The following EYS variants were observed in gnomAD, a reference collection of about 807,000 sequenced individuals.
EYS encodes EGF-like photoreceptor maintenance factor.
A neutral mutation model predicts 282.1 loss-of-function variants in EYS; 250 were observed. That is an observed-to-expected ratio of 0.89 (90% CI 0.80 to 0.98). The LOEUF (loss-of-function observed/expected upper bound fraction) is 0.98, where lower values mean the gene tolerates loss of function less well. EYS is among the 50% of genes least tolerant of loss of function. The probability of loss-of-function intolerance (pLI) is 0.00; values close to 1 mark genes in which losing one functional copy is unlikely to be tolerated. For synonymous variants in EYS, 1,355 were observed against 1,282.9 expected (o/e 1.06, Z -1.20); for missense variants, 4,016 against 3,709.0 (o/e 1.08, Z -2.15).
Position 63,788,128 on chromosome 6 carries a change from G to A in EYS, c.7700C>T (p.Ala2567Val). ...ACCTTGAAAACCATTTTTAAAATCT[G>A]CTCCATTTGGTAAGAGATCTGGAGT... is the stretch of plus-strand genomic sequence containing the variant. ...EYTPDLLPNG[A>V]DFKNGFQGCI... is the part of the protein sequence containing the mutation. Residue 2567 changes from alanine (A) to valine (V), a missense_variant, in exon 39 of 43, where the codon GCA (alanine) becomes GTA (valine). By Grantham distance (64) the Ala-to-Val change is moderately conservative. Coordinates refer to ENST00000503581, the MANE Select transcript of EYS (RefSeq NM_001142800.2). 3.9e-6 allele frequency: 6 copies of A among 1,541,328 alleles called. No individual in the cohort carries two copies. Among genetic ancestry groups the A allele is most frequent in the Non-Finnish European group, 5.2e-6 (6 of 1,144,116 alleles).
intron 22 of EYS, among the ~76,000 whole-genome samples, chr6:64,811,919 A>T (rs187623668): frequency 6.6e-6 from 1 of 152,290 alleles, no homozygotes; most frequent in East Asian, 1.9e-4. Flanking sequence ...AACAGATTGT[A>T]AAAATACACA....
chr6:65,397,630 G>A (rs900173729), intron 7 of EYS, among the ~76,000 whole-genome samples: 1 of 110,614 alleles, frequency 9.0e-6, no homozygotes. Flanking sequence ...GTGTGTGTGT[G>A]TATCATGTTT....
At chr6:64,732,403 T>C (rs1419394513) in intron 22 of EYS, among the ~76,000 whole-genome samples, 1 of 152,174 alleles carries the variant, frequency 6.6e-6, no homozygotes, top group Non-Finnish European at 1.5e-5. Context: ...CAAATTCCTG[T>C]TAGCTCATTA....
intron 5 of EYS, chr6:65,489,329 A>C (rs1765935665): frequency 6.6e-6 from 1 of 152,240 alleles, no homozygotes; most frequent in African/African-American, 2.4e-5. Context: ...ATGAACAGAC[A>C]CTTTGCAAAA....
Position 65,332,111 on chromosome 6 carries a change from G to A in EYS, c.1766+2869C>T, listed in dbSNP as rs189868342. On this transcript the variant is annotated intron_variant, in intron 11 of 42. Transcript: ENST00000503581. ...CACCGTAAAGTATAATGTTAGTTAT[G>A]TTTCTTCATTCTTCTTATTTTTTTT... 2.4e-5 allele frequency: 10 copies of A among 420,030 alleles called. No individual in the cohort carries two copies. The East Asian group carries it at 3.8e-4, about 16-fold the overall frequency. 26.0% of individuals were successfully genotyped at this position (420,030 alleles called of 1,614,324 possible).
chr6:65,274,977 C>G (rs1768004361), intron 12 of EYS, among the ~76,000 whole-genome samples: 2 of 151,450 alleles, frequency 1.3e-5, no homozygotes, highest in Non-Finnish European at 2.9e-5. Flanking sequence ...CTAAAATATT[C>G]TTTATTTGGG....
intron 31 of EYS, among the ~76,000 whole-genome samples, chr6:64,176,594 T>C (rs1431843165): frequency 6.6e-6 from 1 of 152,046 alleles, no homozygotes. Context: ...CATTTTTATT[T>C]TGGAGAAACA....
intron 29 of EYS, among the ~76,000 whole-genome samples, chr6:64,346,005 C>T (rs1374774327): frequency 1.3e-5 from 2 of 152,028 alleles, no homozygotes; most frequent in African/African-American, 4.8e-5. Context: ...TGATGAGATA[C>T]CATCTCACAC....
At chr6:65,598,116 AACAAAAC>A (rs942193747) in intron 2 of EYS, among the ~76,000 whole-genome samples, 1 of 134,114 alleles carries the variant, frequency 7.5e-6, no homozygotes, top group African/African-American at 3.0e-5. Flanking sequence ...AACAAAACAA[AACAAAAC>A]AAACAAACAA....
chr6:64,434,645 A>G (rs1774680981), intron 28 of EYS, among the ~76,000 whole-genome samples: 1 of 151,994 alleles, frequency 6.6e-6, no homozygotes, highest in East Asian at 1.9e-4. Flanking sequence ...GAGTGAAAGC[A>G]GCCTTGAGAT....
At chr6:64,480,646 C>G (rs567605836) in intron 26 of EYS, among the ~76,000 whole-genome samples, 1 of 151,758 alleles carries the variant, frequency 6.6e-6, no homozygotes, top group Non-Finnish European at 1.5e-5. Context: ...TATTGAAATT[C>G]TCTGCTGTTT....
At chr6:65,629,109 G>T (rs1286896387) in intron 2 of EYS, among the ~76,000 whole-genome samples, 1 of 152,180 alleles carries the variant, frequency 6.6e-6, no homozygotes, top group African/African-American at 2.4e-5. Context: ...TTAAGATGAT[G>T]CTCAGTCAAT....
chr6:65,573,526 C>T (rs1463073280), intron 2 of EYS, among the ~76,000 whole-genome samples: 1 of 152,130 alleles, frequency 6.6e-6, no homozygotes, highest in Admixed American at 6.6e-5. Context: ...GAAACTTCTT[C>T]AGGAAAAGAA....
chr6:65,256,291 A>ACTTT (rs147434824), intron 12 of EYS, among the ~76,000 whole-genome samples: 1 of 144,192 alleles, frequency 6.9e-6, no homozygotes, highest in African/African-American at 2.6e-5. Flanking sequence ...TTTTTTAATT[A>ACTTT]AAGTTTTAGG....
intron 19 of EYS, among the ~76,000 whole-genome samples, chr6:64,849,962 T>C (rs1259895360): frequency 1.3e-5 from 2 of 152,156 alleles, no homozygotes; most frequent in East Asian, 3.9e-4. Flanking sequence ...TCTCATCATA[T>C]TAGTAGGTTT....
chr6:65,259,250 GTCC>G (rs952086531), intron 12 of EYS, among the ~76,000 whole-genome samples: 3 of 151,966 alleles, frequency 2.0e-5, no homozygotes, highest in Admixed American at 6.6e-5. Context: ...CTCCACCCAT[GTCC>G]TCTTCTTCCC....
intron 5 of EYS, among the ~76,000 whole-genome samples, chr6:65,412,192 C>A (rs969923958): frequency 1.3e-5 from 2 of 152,102 alleles, no homozygotes; most frequent in African/African-American, 2.4e-5. Context: ...CTTCTGAGAC[C>A]TTGATCTCTA....
intron 35 of EYS, among the ~76,000 whole-genome samples, chr6:63,933,995 A>G (rs7750710): frequency 0.31 from 47,760 of 151,930 alleles, 7,555 homozygotes; most frequent in Admixed American, 0.39. Context: ...AATTTTTGCA[A>G]TCTACTCATC....
intron 5 of EYS, among the ~76,000 whole-genome samples, chr6:65,413,904 T>A (rs1490780330): frequency 6.6e-6 from 1 of 152,064 alleles, no homozygotes; most frequent in Non-Finnish European, 1.5e-5. Flanking sequence ...TCTTGTTGTA[T>A]TTACATTTTT....
Sources: gnomAD v4.1 joint callset for allele counts (sites outside exome capture counted in the v4.1 genomes callset) on GRCh38, gnomAD v4.1.1 for gene constraint, MANE v1.5 for transcripts, NCBI Gene and HGNC (gene_info 2026-07-23, HGNC 2026-07-21) for gene names.